The following MYCT1 variants were observed in gnomAD, a reference collection of about 807,000 sequenced individuals.
MYCT1 encodes the protein MYC target 1.
MYCT1 carries 12 observed loss-of-function variants against 15.0 expected under a neutral mutation model. The observed-to-expected ratio is 0.80, with a 90% CI of 0.51 to 1.29. The LOEUF (loss-of-function observed/expected upper bound fraction) is 1.29. Ranked by LOEUF, MYCT1 falls within the 50% of genes most tolerant of loss-of-function variation. The probability of loss-of-function intolerance (pLI) is 0.00; values close to 1 mark genes in which losing one functional copy is unlikely to be tolerated. For synonymous variants in MYCT1, 104 were observed against 102.7 expected (o/e 1.01, Z -0.07); for missense variants, 287 against 279.1 (o/e 1.03, Z -0.20).
chr6:152,737,526 G>A, the MYCT1 span, among the ~76,000 whole-genome samples: 1 of 152,024 alleles, frequency 6.6e-6, no homozygotes, highest in Non-Finnish European at 1.5e-5. Flanking sequence ...ACCTGTCTTA[G>A]CCATTACACT....
chr6:152,738,670 TAA>T, the MYCT1 span, among the ~76,000 whole-genome samples: 1 of 152,120 alleles, frequency 6.6e-6, no homozygotes, highest in African/African-American at 2.4e-5. Context: ...AATTAATCCT[TAA>T]GTTTACAGCG....
chr6:152,704,167 T>A (rs1033395166), intron 1 of MYCT1, among the ~76,000 whole-genome samples: 1 of 151,820 alleles, frequency 6.6e-6, no homozygotes, highest in African/African-American at 2.4e-5. Context: ...AGGCTAATTT[T>A]TTTCTTTTTG....
At chr6:152,738,219 A>G in the MYCT1 span, among the ~76,000 whole-genome samples, 1 of 152,078 alleles carries the variant, frequency 6.6e-6, no homozygotes, top group Non-Finnish European at 1.5e-5. Flanking sequence ...TCATAGACAT[A>G]TATTTAACAT....
chr6:152,704,833 T>C (rs992783393), intron 1 of MYCT1, among the ~76,000 whole-genome samples: 2 of 152,176 alleles, frequency 1.3e-5, no homozygotes, highest in African/African-American at 4.8e-5. Flanking sequence ...AATACAACCA[T>C]CACCTGAGGT....
At chr6:152,718,155 T>C (rs1029853152) in intron 1 of MYCT1, among the ~76,000 whole-genome samples, 2 of 152,272 alleles carry the variant, frequency 1.3e-5, no homozygotes, top group East Asian at 3.9e-4. Context: ...ATTCCTCTCA[T>C]GGAAATATTG....
At chr6:152,734,228 G>T in the MYCT1 span, among the ~76,000 whole-genome samples, 1 of 152,046 alleles carries the variant, frequency 6.6e-6, no homozygotes, top group Non-Finnish European at 1.5e-5. Flanking sequence ...CCTACTGATG[G>T]TTAAAAGGTT....
the MYCT1 span, among the ~76,000 whole-genome samples, chr6:152,731,892 G>A: frequency 2.0e-5 from 3 of 151,934 alleles, no homozygotes; most frequent in Non-Finnish European, 2.9e-5. Context: ...GGACTATAGG[G>A]CACATGCCAC....
chr6:152,718,599 G>A (rs1220755565), intron 1 of MYCT1, among the ~76,000 whole-genome samples: 2 of 151,832 alleles, frequency 1.3e-5, no homozygotes, highest in Admixed American at 6.6e-5. Context: ...TATTTAAATA[G>A]TTTCTATTTT....
chr6:152,714,305 C>CTTTTTTTTTTTTTT, intron 1 of MYCT1, among the ~76,000 whole-genome samples: 1 of 120,034 alleles, frequency 8.3e-6, no homozygotes, highest in Non-Finnish European at 1.7e-5. Context: ...TTTTCTTTTT[C>CTTTTTTTTTTTTTT]TTTTTTTTTT....
the MYCT1 span, among the ~76,000 whole-genome samples, chr6:152,741,211 A>G: frequency 1.3e-5 from 2 of 152,072 alleles, no homozygotes; most frequent in African/African-American, 4.8e-5. Context: ...TAAACAGTCT[A>G]AATAGAACCC....
chr6:152,706,357 A>G (rs137989333), intron 1 of MYCT1, among the ~76,000 whole-genome samples: 217 of 152,284 alleles, frequency 1.4e-3, no homozygotes, highest in African/African-American at 5.0e-3. Context: ...ATTTTTGAAT[A>G]AAAAGACATT....
chr6:152,722,270 T>C lies in MYCT1; in HGVS notation c.*17T>C, dbSNP rs1323105555. On this transcript the variant is annotated 3_prime_UTR_variant, in exon 2 of 2. Coordinates refer to ENST00000367245, the MANE Select transcript of MYCT1 (RefSeq NM_025107.3). ...GATTCCTGAGTAGGGTGGCTTTTGG[T>C]TTTTGTTTCTTTCTTGTCTTGTCTT... is the stretch of plus-strand genomic sequence containing the variant. The C allele has an allele frequency of 1.3e-6, 2 of 1,574,428 alleles. No homozygotes were observed. Among genetic ancestry groups the C allele is most frequent in the Non-Finnish European group, 1.7e-6 (2 of 1,165,056 alleles).
chr6:152,708,776 G>T (rs906174741), intron 1 of MYCT1, among the ~76,000 whole-genome samples: 3 of 151,900 alleles, frequency 2.0e-5, no homozygotes, highest in Non-Finnish European at 4.4e-5. Flanking sequence ...CCAGACTAAG[G>T]ATTTTCTTCA....
At chr6:152,705,232 G>C (rs2099722057) in intron 1 of MYCT1, among the ~76,000 whole-genome samples, 1 of 152,114 alleles carries the variant, frequency 6.6e-6, no homozygotes, top group African/African-American at 2.4e-5. Flanking sequence ...AATGTGCTCA[G>C]AACACTTACA....
the MYCT1 span, among the ~76,000 whole-genome samples, chr6:152,737,243 G>GTT: frequency 6.8e-6 from 1 of 147,012 alleles, no homozygotes. Flanking sequence ...TAAATTAAAA[G>GTT]TTTTTTTTTT....
At chr6:152,700,681 G>T (rs147072150) in intron 1 of MYCT1, among the ~76,000 whole-genome samples, 1 of 152,066 alleles carries the variant, frequency 6.6e-6, no homozygotes, top group Non-Finnish European at 1.5e-5. Flanking sequence ...CATGAAAGCT[G>T]CAGGAAACAT....
chr6:152,722,427 G>T lies in MYCT1; in HGVS notation c.*174G>T. On this transcript the variant is annotated 3_prime_UTR_variant, in exon 2 of 2. Transcript: ENST00000367245. ...TGTAAAACACATTTTCTTCAAACAC[G>T]TTTTCCCTTTTGTTTCAAAAAATGT... 2 of 600,476 alleles carry T rather than the reference G, an allele frequency of 3.3e-6. No homozygotes were observed. The highest frequency in any genetic ancestry group is 2.9e-5 in the South Asian group (1 of 34,456). 37.2% of individuals were successfully genotyped at this position (600,476 alleles called of 1,614,324 possible).
chr6:152,741,475 C>T, the MYCT1 span, among the ~76,000 whole-genome samples: 1 of 151,928 alleles, frequency 6.6e-6, no homozygotes, highest in Admixed American at 6.6e-5. Flanking sequence ...TTATAATGTA[C>T]CAGGTATTGG....
intron 1 of MYCT1, among the ~76,000 whole-genome samples, chr6:152,718,912 C>A (rs1322756202): frequency 6.6e-6 from 1 of 152,056 alleles, no homozygotes; most frequent in African/African-American, 2.4e-5. Flanking sequence ...GGTACATTTA[C>A]ACATAGGAAG....
Sources: gnomAD v4.1 joint callset for allele counts (sites outside exome capture counted in the v4.1 genomes callset) on GRCh38, gnomAD v4.1.1 for gene constraint, MANE v1.5 for transcripts, NCBI Gene and HGNC (gene_info 2026-07-23, HGNC 2026-07-21) for gene names.